WDR17: variants seen among roughly 807,000 people sequenced by gnomAD.
WDR17 encodes WD repeat domain 17, also known as WD repeat-containing protein 17.
Under a neutral mutation model 161.7 loss-of-function variants are expected in WDR17, and 143 were observed. The observed-to-expected ratio is 0.88, with a 90% CI of 0.77 to 1.02. The LOEUF (loss-of-function observed/expected upper bound fraction) is 1.02, where lower values mean the gene tolerates loss of function less well. Among genes scored for constraint, WDR17 ranks in the 50% least tolerant of loss-of-function variants. The pLI, the probability that WDR17 is intolerant of heterozygous loss-of-function variation, is 0.00. For missense variants in WDR17, 1,469 were observed against 1,520.9 expected (o/e 0.97, Z 0.57); for synonymous variants, 517 against 515.6 (o/e 1.00, Z -0.04).
intron 20 of WDR17, 117 bp from the exon 21 acceptor site, chr4:176,161,958 C>T: frequency 1.2e-6 from 1 of 849,024 alleles, no homozygotes; most frequent in South Asian, 2.0e-5. Context: ...GTCTTTAAAG[C>T]AAGCATGTCA....
chr4:176,166,514 G>T (rs1430333989), intron 22 of WDR17, among the ~76,000 whole-genome samples: 1 of 152,042 alleles, frequency 6.6e-6, no homozygotes, highest in Non-Finnish European at 1.5e-5. Flanking sequence ...CCCCATTTGT[G>T]TACTGAACTC....
chr4:176,148,409 C>T (rs888321462), intron 13 of WDR17, 74 bp downstream of exon 13: 1 of 1,348,176 alleles, frequency 7.4e-7, no homozygotes, highest in Non-Finnish European at 1.0e-6. Context: ...CTGAGGAATA[C>T]AGTATTTTTG....
chr4:176,141,881 T>A, intron 10 of WDR17, 102 bp from the exon 11 acceptor site: 1 of 930,782 alleles, frequency 1.1e-6, no homozygotes, highest in East Asian at 2.7e-5. Flanking sequence ...AAAATCTCTA[T>A]CCTGGAATAT....
intron 1 of WDR17, among the ~76,000 whole-genome samples, chr4:176,075,768 C>T (rs1733881991): frequency 6.6e-6 from 1 of 151,716 alleles, no homozygotes; most frequent in South Asian, 2.1e-4. Flanking sequence ...GAGGATAGTT[C>T]AAGATCAGCT....
chr4:176,092,029 C>G (rs191620738), intron 1 of WDR17, among the ~76,000 whole-genome samples: 99 of 152,064 alleles, frequency 6.5e-4, no homozygotes, highest in Non-Finnish European at 8.8e-4. Context: ...TAAAGAAAAA[C>G]CAGTACCAAA....
chr4:176,171,061 G>A (rs1239683783), intron 23 of WDR17, among the ~76,000 whole-genome samples: 1 of 152,096 alleles, frequency 6.6e-6, no homozygotes, highest in African/African-American at 2.4e-5. Context: ...AATGAATACT[G>A]TACAAAAAGT....
intron 1 of WDR17, among the ~76,000 whole-genome samples, chr4:176,107,564 T>C (rs1738954729): frequency 6.6e-6 from 1 of 151,246 alleles, no homozygotes; most frequent in Non-Finnish European, 1.5e-5. Context: ...GATAAGGAAA[T>C]ATGGCATATA....
At chr4:176,096,088 T>C (rs1736813888) in intron 1 of WDR17, among the ~76,000 whole-genome samples, 1 of 152,094 alleles carries the variant, frequency 6.6e-6, no homozygotes. Context: ...GTATACCTTT[T>C]AACTTAGAAA....
chr4:176,141,596 C>G (rs1287705332), intron 10 of WDR17, among the ~76,000 whole-genome samples: 1 of 151,928 alleles, frequency 6.6e-6, no homozygotes, highest in Non-Finnish European at 1.5e-5. Flanking sequence ...CGCCTGGCTA[C>G]TTTTTTTGTA....
At chr4:176,095,182 A>C (rs905975845) in intron 1 of WDR17, among the ~76,000 whole-genome samples, 6 of 152,156 alleles carry the variant, frequency 3.9e-5, no homozygotes, top group African/African-American at 1.2e-4. Flanking sequence ...CAGAGACAAC[A>C]ATGAAGAGAG....
chr4:176,072,090 T>C (rs79466523), intron 1 of WDR17, among the ~76,000 whole-genome samples: 1,742 of 152,336 alleles, frequency 0.011, 28 homozygotes, highest in African/African-American at 0.038. Context: ...ACTGTACTTG[T>C]GACCTATTTT....
chr4:176,066,886 C>T (rs1023148726), intron 1 of WDR17, among the ~76,000 whole-genome samples: 1 of 152,070 alleles, frequency 6.6e-6, no homozygotes, highest in East Asian at 1.9e-4. Flanking sequence ...GGATACGAAA[C>T]GGCCAAAGCC....
At chr4:176,119,795 A>G in intron 3 of WDR17, 72 bp from the exon 4 acceptor site, 1 of 1,288,578 alleles carries the variant, frequency 7.8e-7, no homozygotes, top group Non-Finnish European at 1.1e-6. Context: ...AAATGTAAAC[A>G]GGGCAAGTAA....
At chr4:176,118,807 A>T (rs1158627250) in intron 3 of WDR17, among the ~76,000 whole-genome samples, 1 of 151,726 alleles carries the variant, frequency 6.6e-6, no homozygotes, top group East Asian at 1.9e-4. Flanking sequence ...ATACAAAAAA[A>T]AAAATTAACC....
At chr4:176,158,088 T>G (rs1210122384) in intron 18 of WDR17, among the ~76,000 whole-genome samples, 1 of 152,214 alleles carries the variant, frequency 6.6e-6, no homozygotes, top group Non-Finnish European at 1.5e-5. Flanking sequence ...TATTGTTTCT[T>G]TTTCCTAAGA....
At position 176,120,116 on chromosome 4, in the gene WDR17, A is replaced by G; in HGVS notation, c.538+19A>G. ...CATCCAGGTAAGAATTTAATTAGCA[A>G]GGTATCTTAAATAGTATATTTTTCT... On this transcript the variant is annotated intron_variant, in intron 4 of 28. Coordinates refer to ENST00000508596, the MANE Select transcript of WDR17 (RefSeq NM_181265.4). The G allele has an allele frequency of 6.3e-7, 1 of 1,579,670 alleles. No homozygotes were observed. Among genetic ancestry groups the G allele is most frequent in the Non-Finnish European group, 8.7e-7 (1 of 1,150,106 alleles).
At chr4:176,104,046 C>A (rs1738277201) in intron 1 of WDR17, among the ~76,000 whole-genome samples, 1 of 151,924 alleles carries the variant, frequency 6.6e-6, no homozygotes, top group Non-Finnish European at 1.5e-5. Context: ...TACAGGGATC[C>A]TCAATAGTAT....
chr4:176,087,926 C>A (rs1735627435), intron 1 of WDR17, among the ~76,000 whole-genome samples: 3 of 152,062 alleles, frequency 2.0e-5, no homozygotes, highest in Non-Finnish European at 2.9e-5. Context: ...TCACTGCAAC[C>A]TTTGCCCCCC....
intron 21 of WDR17, 59 bp from the exon 22 acceptor site, chr4:176,163,095 G>A: frequency 3.5e-5 from 56 of 1,601,574 alleles, no homozygotes; most frequent in Non-Finnish European, 4.7e-5. Context: ...GCTTGGAGGG[G>A]AATGATGATC....
Sources: gnomAD v4.1 joint callset for allele counts (sites outside exome capture counted in the v4.1 genomes callset) on GRCh38, gnomAD v4.1.1 for gene constraint, MANE v1.5 for transcripts, NCBI Gene and HGNC (gene_info 2026-07-23, HGNC 2026-07-21) for gene names.